SLIT3: variants seen among roughly 807,000 people sequenced by gnomAD.
SLIT3 encodes slit homolog 3 protein.
SLIT3 carries 68 observed loss-of-function variants against 184.0 expected under a neutral mutation model. The observed-to-expected ratio is 0.37, with a 90% CI of 0.30 to 0.45. The LOEUF (loss-of-function observed/expected upper bound fraction) is 0.45. Ranked by LOEUF, SLIT3 falls within the 20% of genes least tolerant of loss-of-function variation. The probability of loss-of-function intolerance (pLI) is 1.00; values close to 1 mark genes in which losing one functional copy is unlikely to be tolerated. For synonymous variants in SLIT3, 831 were observed against 828.6 expected, an observed-to-expected ratio of 1.00 and a Z score of -0.05; for missense variants, 1,707 against 2,026.0, an observed-to-expected ratio of 0.84 and a Z score of 3.02.
chr5:168,972,010 T>C (rs1444107726), intron 4 of SLIT3, among the ~76,000 whole-genome samples: 2 of 152,196 alleles, frequency 1.3e-5, no homozygotes, highest in African/African-American at 4.8e-5. Flanking sequence ...AAAGTTGTTA[T>C]GTAGTCATGG....
intron 4 of SLIT3, among the ~76,000 whole-genome samples, chr5:169,037,190 A>G (rs959679342): frequency 2.0e-5 from 3 of 152,238 alleles, no homozygotes; most frequent in Non-Finnish European, 4.4e-5. Flanking sequence ...TACTCCTGTG[A>G]GATACACAAG....
chr5:169,170,018 A>G (rs566307451), intron 4 of SLIT3, among the ~76,000 whole-genome samples: 13 of 152,320 alleles, frequency 8.5e-5, no homozygotes, highest in African/African-American at 3.1e-4. Context: ...TAGTCCCTTC[A>G]GGCAAAAGGC....
chr5:169,168,681 G>C (rs867991073), intron 4 of SLIT3, among the ~76,000 whole-genome samples: 1 of 152,160 alleles, frequency 6.6e-6, no homozygotes, highest in Non-Finnish European at 1.5e-5. Flanking sequence ...TGACAAAGTC[G>C]AGATTCAGAC....
intron 4 of SLIT3, among the ~76,000 whole-genome samples, chr5:169,082,427 G>A (rs1759104637): frequency 6.6e-6 from 1 of 152,190 alleles, no homozygotes; most frequent in African/African-American, 2.4e-5. Context: ...GAAGAGTAAT[G>A]AGATAGCTTC....
intron 4 of SLIT3, among the ~76,000 whole-genome samples, chr5:168,999,145 G>A (rs1454561226): frequency 6.6e-6 from 1 of 152,014 alleles, no homozygotes; most frequent in Admixed American, 6.5e-5. Flanking sequence ...CGAATTCCTG[G>A]GCTCAAGGTA....
chr5:168,887,574 T>C (rs899144470), intron 4 of SLIT3, among the ~76,000 whole-genome samples: 15 of 152,224 alleles, frequency 9.9e-5, no homozygotes, highest in African/African-American at 3.6e-4. Context: ...TGGAATCATT[T>C]GCACATTAGT....
chr5:168,723,601 C>G (rs978032044), intron 21 of SLIT3, among the ~76,000 whole-genome samples: 2 of 152,190 alleles, frequency 1.3e-5, no homozygotes, highest in African/African-American at 4.8e-5. Flanking sequence ...CACTGTTCCT[C>G]TATCCCCCTT....
chr5:169,261,802 A>T (rs1766196102), intron 1 of SLIT3, among the ~76,000 whole-genome samples: 1 of 152,194 alleles, frequency 6.6e-6, no homozygotes, highest in African/African-American at 2.4e-5. Context: ...AACACAAAAA[A>T]GGTGGTCGGA....
intron 1 of SLIT3, among the ~76,000 whole-genome samples, chr5:169,285,599 TA>T (rs1767128783): frequency 6.6e-6 from 1 of 152,186 alleles, no homozygotes; most frequent in Non-Finnish European, 1.5e-5. Context: ...AGTCCATTCA[TA>T]AAAAGCCATG....
At chr5:168,813,265 G>A (rs1246520237) in intron 8 of SLIT3, among the ~76,000 whole-genome samples, 1 of 150,374 alleles carries the variant, frequency 6.7e-6, no homozygotes, top group African/African-American at 2.4e-5. Flanking sequence ...ACAAGTGGAA[G>A]GTAAATCCTA....
At chr5:168,969,725 C>T (rs557187389) in intron 4 of SLIT3, among the ~76,000 whole-genome samples, 1 of 152,318 alleles carries the variant, frequency 6.6e-6, no homozygotes, top group South Asian at 2.1e-4. Flanking sequence ...GTGCAGTTTC[C>T]ATGAACTTGC....
At chr5:169,171,639 G>A (rs1240514403) in intron 4 of SLIT3, among the ~76,000 whole-genome samples, 2 of 152,212 alleles carry the variant, frequency 1.3e-5, no homozygotes, top group Admixed American at 6.5e-5. Context: ...GAAACAGGAT[G>A]GCAGAGCAAA....
At chr5:169,099,166 G>C (rs1396255101) in intron 4 of SLIT3, among the ~76,000 whole-genome samples, 1 of 152,212 alleles carries the variant, frequency 6.6e-6, no homozygotes, top group Non-Finnish European at 1.5e-5. Context: ...TGTTTCTGGA[G>C]GGATAAAACA....
intron 6 of SLIT3, among the ~76,000 whole-genome samples, chr5:168,827,992 G>C (rs1757757709): frequency 6.6e-6 from 1 of 152,142 alleles, no homozygotes; most frequent in Non-Finnish European, 1.5e-5. Context: ...GTTGGCCCTT[G>C]GCTGCTGTAG....
chr5:168,839,766 C>T (rs1758179442), intron 6 of SLIT3, among the ~76,000 whole-genome samples: 1 of 152,194 alleles, frequency 6.6e-6, no homozygotes, highest in Non-Finnish European at 1.5e-5. Context: ...ATGAACTATG[C>T]TTGGGATTCC....
At chr5:169,227,570 G>A (rs1171773616) in intron 3 of SLIT3, among the ~76,000 whole-genome samples, 1 of 152,118 alleles carries the variant, frequency 6.6e-6, no homozygotes, top group Non-Finnish European at 1.5e-5. Context: ...TGGGATTACA[G>A]GCACGCACCA....
At chr5:168,736,052 C>T (rs1247123756) in intron 20 of SLIT3, among the ~76,000 whole-genome samples, 1 of 152,184 alleles carries the variant, frequency 6.6e-6, no homozygotes, top group Non-Finnish European at 1.5e-5. Context: ...GGAAATCCCC[C>T]TCTACTCCTG....
chr5:169,050,028 C>G (rs1757761016), intron 4 of SLIT3, among the ~76,000 whole-genome samples: 1 of 152,064 alleles, frequency 6.6e-6, no homozygotes, highest in Admixed American at 6.5e-5. Context: ...CATTTCTCCT[C>G]TAAGTAAATG....
At position 169,192,423 on chromosome 5, in the gene SLIT3, C is replaced by CTCTGTGTGTGTGTG. The variant is rs1044234461; in HGVS notation, c.413+1055_413+1056insCACACACACACAGA. On this transcript the variant is annotated intron_variant, in intron 4 of 35. Transcript: ENST00000519560. ...TAAAATAAATTTATGTATATAGTCT[C>CTCTGTGTGTGTGTG]TGTGTGTGTGTGTGTGTGTGTGTGT... is the stretch of plus-strand genomic sequence containing the variant. 6.1e-5 allele frequency among the ~76,000 whole-genome samples: 9 copies of CTCTGTGTGTGTGTG among 148,278 alleles called. No individual in the cohort carries two copies. The East Asian group carries it at 1.4e-3, about 23-fold the overall frequency.
Sources: gnomAD v4.1 joint callset for allele counts (sites outside exome capture counted in the v4.1 genomes callset) on GRCh38, gnomAD v4.1.1 for gene constraint, MANE v1.5 for transcripts, NCBI Gene and HGNC (gene_info 2026-07-23, HGNC 2026-07-21) for gene names.